Variants in ZFPM2 observed in about 807,000 individuals in gnomAD.
ZFPM2 encodes the protein zinc finger protein ZFPM2.
ZFPM2 carries 20 observed loss-of-function variants against 98.6 expected under a neutral mutation model. The observed-to-expected ratio is 0.20, with a 90% CI of 0.14 to 0.29. The LOEUF is 0.29. Ranked by LOEUF, ZFPM2 falls within the 10% of genes least tolerant of loss-of-function variation. The pLI, the probability that ZFPM2 is intolerant of heterozygous loss-of-function variation, is 1.00. For missense variants in ZFPM2, 1,310 were observed against 1,388.6 expected, an observed-to-expected ratio of 0.94 and a Z score of 0.90; for synonymous variants, 518 against 502.7, an observed-to-expected ratio of 1.03 and a Z score of -0.41.
In ZFPM2 at chr8:105,716,276, G is replaced by C. The variant is rs955865440; in HGVS notation, c.533-72442G>C. Among the ~76,000 whole-genome samples, 3 of 150,218 alleles carry C rather than the reference G, an allele frequency of 2.0e-5. No individual in the cohort carries two copies. In the Admixed American group the frequency reaches 2.0e-4, roughly 10 times the overall value. On this transcript the variant is annotated intron_variant, in intron 5 of 7. Coordinates refer to ENST00000407775, the MANE Select transcript of ZFPM2 (RefSeq NM_012082.4). ...TAAAATTTTATCCATATAAAATATA[G>C]ATAAAATCAGTACAGTAATACTGCA...
intron 4 of ZFPM2, among the ~76,000 whole-genome samples, chr8:105,610,361 G>A (rs1181611709): frequency 1.3e-5 from 2 of 152,116 alleles, no homozygotes; most frequent in African/African-American, 4.8e-5. Flanking sequence ...GTCACTGATG[G>A]TCTAGGGTTC....
chr8:105,725,044 T>C (rs73305069), intron 5 of ZFPM2, among the ~76,000 whole-genome samples: 23,187 of 151,834 alleles, frequency 0.15, 2,145 homozygotes, highest in East Asian at 0.32. Flanking sequence ...CAATACAACA[T>C]CCTTGCTCTT....
At chr8:105,452,929 A>C (rs1421277941) in intron 3 of ZFPM2, among the ~76,000 whole-genome samples, 1 of 152,236 alleles carries the variant, frequency 6.6e-6, no homozygotes. Context: ...GAAAGAAAGA[A>C]GTAAACCTGT....
chr8:105,696,980 A>C (rs375518740), intron 5 of ZFPM2, among the ~76,000 whole-genome samples: 1 of 152,204 alleles, frequency 6.6e-6, no homozygotes, highest in African/African-American at 2.4e-5. Flanking sequence ...CTTATAATTC[A>C]AAATTAGAAT....
At chr8:105,488,935 T>C (rs898777528) in intron 3 of ZFPM2, among the ~76,000 whole-genome samples, 5 of 152,182 alleles carry the variant, frequency 3.3e-5, no homozygotes, top group Non-Finnish European at 7.3e-5. Flanking sequence ...GTAATTTAGT[T>C]TGAAACATTA....
chr8:105,567,550 A>AGG (rs1356269562), intron 4 of ZFPM2, among the ~76,000 whole-genome samples: 2 of 152,020 alleles, frequency 1.3e-5, no homozygotes, highest in Non-Finnish European at 2.9e-5. Flanking sequence ...ACCTTACTGG[A>AGG]ATTTTCTGGG....
At chr8:105,449,822 C>G (rs1812449500) in intron 3 of ZFPM2, among the ~76,000 whole-genome samples, 1 of 151,994 alleles carries the variant, frequency 6.6e-6, no homozygotes, top group Non-Finnish European at 1.5e-5. Flanking sequence ...CCTAAGTGCT[C>G]AATTAATTAC....
chr8:105,720,554 G>A (rs1424432433), intron 5 of ZFPM2, among the ~76,000 whole-genome samples: 2 of 151,752 alleles, frequency 1.3e-5, no homozygotes, highest in Non-Finnish European at 2.9e-5. Context: ...CCTTAGAGCT[G>A]CAGATTTAGC....
chr8:105,660,516 A>C (rs1192166858), intron 5 of ZFPM2, among the ~76,000 whole-genome samples: 1 of 152,226 alleles, frequency 6.6e-6, no homozygotes, highest in East Asian at 1.9e-4. Context: ...ACATGTGTAA[A>C]AAAATGCCTT....
chr8:105,582,346 G>A (rs1468692143), intron 4 of ZFPM2, among the ~76,000 whole-genome samples: 4 of 152,136 alleles, frequency 2.6e-5, no homozygotes, highest in Non-Finnish European at 5.9e-5. Flanking sequence ...CCAGTTTTGT[G>A]CCCCAAGGGA....
chr8:105,753,225 G>C (rs1460145264), intron 5 of ZFPM2, among the ~76,000 whole-genome samples: 1 of 152,088 alleles, frequency 6.6e-6, no homozygotes, highest in African/African-American at 2.4e-5. Context: ...TATATCCTAG[G>C]TTCCAGAGAT....
intron 5 of ZFPM2, among the ~76,000 whole-genome samples, chr8:105,759,393 T>C (rs893211609): frequency 4.6e-5 from 7 of 152,096 alleles, no homozygotes; most frequent in African/African-American, 1.7e-4. Flanking sequence ...GGTTCCTTTA[T>C]TAGGGCAAGA....
chr8:105,602,619 A>G (rs755004038), intron 4 of ZFPM2, among the ~76,000 whole-genome samples: 2 of 152,062 alleles, frequency 1.3e-5, no homozygotes, highest in Non-Finnish European at 2.9e-5. Flanking sequence ...CCTATATTAA[A>G]TGGCTCATGC....
chr8:105,498,027 C>CAA lies in ZFPM2; in HGVS notation c.301+53664_301+53665dup, dbSNP rs1195802124. 9.9e-3 allele frequency among the ~76,000 whole-genome samples: 612 copies of CAA among 61,872 alleles called. 5 individuals are homozygous for CAA. Among genetic ancestry groups the CAA allele is most frequent in the African/African-American group, 0.031 (565 of 18,176 alleles). The allele number at this position is 61,872 out of a possible 152,430, so 40.6% of individuals were successfully genotyped here. On this transcript the variant is annotated intron_variant, in intron 3 of 7. Coordinates refer to ENST00000407775, the MANE Select transcript of ZFPM2 (RefSeq NM_012082.4). ...ATAGGGAGGCCCTCCCCGTCTCTAC[C>CAA]AAAAAAAAAAAAAAAAAAACAAAAT...
At chr8:105,708,889 A>C (rs1206165395) in intron 5 of ZFPM2, among the ~76,000 whole-genome samples, 6 of 152,222 alleles carry the variant, frequency 3.9e-5, no homozygotes, top group Non-Finnish European at 8.8e-5. Context: ...GTTGAATCAA[A>C]GGTGATAAAG....
At chr8:105,601,260 CAT>C (rs919663160) in intron 4 of ZFPM2, among the ~76,000 whole-genome samples, 1 of 152,048 alleles carries the variant, frequency 6.6e-6, no homozygotes, top group South Asian at 2.1e-4. Context: ...AACAAGGTAA[CAT>C]ATGAAAACAC....
At chr8:105,561,256 A>T in intron 3 of ZFPM2, 107 bp from the exon 4 acceptor site, 1 of 836,364 alleles carries the variant, frequency 1.2e-6, no homozygotes, top group Non-Finnish European at 2.0e-6. Context: ...AATTCTCTTT[A>T]TATGAATCCT....
chr8:105,444,386 G>A lies in ZFPM2; in HGVS notation c.301+5G>A. The A allele has an allele frequency of 2.5e-6, 4 of 1,601,966 alleles. No homozygotes were observed. Among genetic ancestry groups the A allele is most frequent in the East Asian group, 4.5e-5 (2 of 44,652 alleles). On this transcript the variant is annotated splice_donor_5th_base_variant and intron_variant, in intron 3 of 7. Transcript: ENST00000407775. ...CAGACGACTGGGATGGACCAGGTAG[G>A]GGAGAATATTTAAAATTCAACCGTC...
chr8:105,366,171 T>C (rs534869751), intron 1 of ZFPM2, among the ~76,000 whole-genome samples: 1 of 152,268 alleles, frequency 6.6e-6, no homozygotes, highest in East Asian at 1.9e-4. Context: ...ACACATTGAA[T>C]TGAGGTCAGT....
Sources: gnomAD v4.1 joint callset for allele counts (sites outside exome capture counted in the v4.1 genomes callset) on GRCh38, gnomAD v4.1.1 for gene constraint, MANE v1.5 for transcripts, NCBI Gene and HGNC (gene_info 2026-07-23, HGNC 2026-07-21) for gene names.